The following PHB2 variants were observed in gnomAD, a reference collection of about 807,000 sequenced individuals.
The protein encoded by PHB2 is prohibitin 2.
A neutral mutation model predicts 46.4 loss-of-function variants in PHB2; 22 were observed. That is an observed-to-expected ratio of 0.47 (90% confidence interval 0.34 to 0.68). The LOEUF (loss-of-function observed/expected upper bound fraction) is 0.68. Among genes scored for constraint, PHB2 ranks in the 30% least tolerant of loss-of-function variants. The pLI, the probability that PHB2 is intolerant of heterozygous loss-of-function variation, is 0.01. For synonymous variants in PHB2, 156 were observed against 150.5 expected (o/e 1.04, Z -0.27); for missense variants, 305 against 382.8 (o/e 0.80, Z 1.70).
chr12:6,970,472 C>A lies in PHB2; in HGVS notation c.72G>T (p.Lys24Asn). 6.2e-7 allele frequency: 1 copy of A among 1,605,936 alleles called. No individual in the cohort carries two copies. The highest frequency in any genetic ancestry group is 2.2e-5 in the East Asian group (1 of 44,850). The change falls in exon 1 of 10, where the codon AAG becomes AAT. Residue 24 changes from lysine to asparagine, a missense_variant. By Grantham distance (94) the Lys-to-Asn change is moderately conservative. This residue lies in a region of PHB2 where 60 missense variants were observed against 61.0 expected (regional missense o/e 0.98). Coordinates refer to ENST00000535923, the MANE Select transcript of PHB2 (RefSeq NM_001144831.2). Reference protein sequence around the residue: ...AGPRGMGTALKLLLGAGAVAY... With the variant: ...AGPRGMGTALNLLLGAGAVAY... ...CCACGGCGCCGGCCCCCAGCAACAG[C>A]TTCAGGGCCGTGCCCATGCCCCGGG...
chr12:6,967,302 T>C lies in PHB2; in HGVS notation c.712-54A>G. 1.9e-6 allele frequency: 3 copies of C among 1,611,860 alleles called. No homozygotes were observed. Among genetic ancestry groups the C allele is most frequent in the Non-Finnish European group, 2.5e-6 (3 of 1,178,280 alleles). On this transcript the variant is annotated intron_variant, in intron 6 of 9. Transcript: ENST00000535923. The surrounding 1 kb of genome is among the most constrained non-coding windows in gnomAD (Gnocchi z 4.9). Reference sequence around the variant, plus strand: ...CAGGTCTCAATCCCTGGCCCTGTCCTTACCACACTCCCTTGCTCCAGTCCT... The same window carrying C: ...CAGGTCTCAATCCCTGGCCCTGTCCCTACCACACTCCCTTGCTCCAGTCCT...
intron 7 of PHB2, among the ~76,000 whole-genome samples, chr12:6,966,835 C>T (rs782290384): frequency 1.2e-4 from 19 of 152,354 alleles, no homozygotes; most frequent in Non-Finnish European, 1.6e-4. Context: ...ACTTCCGCCT[C>T]CTGGGTTCAA....
rs1946198574 is a variant in PHB2 at position 6,965,616 on chromosome 12, T to C, written c.*69A>G. The C allele has an allele frequency of 7.4e-6, 10 of 1,348,348 alleles. No individual in the cohort carries two copies. The highest frequency in any genetic ancestry group is 1.1e-5 in the Non-Finnish European group (10 of 948,306). 83.5% of individuals were successfully genotyped at this position (1,348,348 alleles called of 1,614,324 possible). On this transcript the variant is annotated 3_prime_UTR_variant, in exon 10 of 10. Transcript: ENST00000535923. ...GCGGGGTAGGGCTGTGCTGGACCCCTGGCTGGCTCCTCAAAAACTGGAGAA... is the reference window on the plus strand; with the variant it reads ...GCGGGGTAGGGCTGTGCTGGACCCCCGGCTGGCTCCTCAAAAACTGGAGAA...
At chr12:6,970,367 GT>G (rs1946301287) in intron 1 of PHB2, 49 bp downstream of exon 1, 1 of 1,604,670 alleles carries the variant, frequency 6.2e-7, no homozygotes, top group Non-Finnish European at 8.5e-7. Context: ...AGGGCAAGGG[GT>G]TTGGGGGAGG....
chr12:6,967,026 T>C lies in PHB2; in HGVS notation c.789+145A>G, dbSNP rs1290047699. On this transcript the variant is annotated intron_variant, in intron 7 of 9. Transcript: ENST00000535923. This position sits in a 1 kb window ranked among gnomAD's most constrained non-coding sequence, Gnocchi z 4.9. Reference sequence around the variant, plus strand: ...GGCCTCCCAAAGTGCGGGGATTACATGCGTGAGCCACCGCGCCGGCCAGAG... The same window carrying C: ...GGCCTCCCAAAGTGCGGGGATTACACGCGTGAGCCACCGCGCCGGCCAGAG... 1 of 681,102 alleles carries C rather than the reference T, an allele frequency of 1.5e-6. No individual in the cohort carries two copies. The highest frequency in any genetic ancestry group is 1.8e-5 in the African/African-American group (1 of 56,238). The allele number at this position is 681,102 out of a possible 1,614,324, so 42.2% of individuals were successfully genotyped here.
intron 8 of PHB2, among the ~76,000 whole-genome samples, chr12:6,966,188 T>C (rs1946208955): frequency 6.6e-6 from 1 of 152,218 alleles, no homozygotes; most frequent in Non-Finnish European, 1.5e-5. Flanking sequence ...CTTTCATCAC[T>C]TTTTGGTTAG....
intron 9 of PHB2, 31 bp from the exon 10 acceptor site, chr12:6,965,743 T>G (rs1946201152): frequency 3.1e-6 from 5 of 1,599,332 alleles, no homozygotes; most frequent in African/African-American, 1.3e-5. Context: ...ATAATGACAT[T>G]ATTAGGGGAC....
intron 2 of PHB2, chr12:6,969,872 C>G (rs1293459659): frequency 1.8e-6 from 1 of 557,614 alleles, no homozygotes; most frequent in Non-Finnish European, 3.3e-6. Flanking sequence ...GCACTCCAGC[C>G]TGGGCGACAG....
chr12:6,966,050 G>T (rs75406264), intron 8 of PHB2, 134 bp from the exon 9 acceptor site: 44,881 of 931,086 alleles, frequency 0.048, 1,412 homozygotes, highest in Non-Finnish European at 0.062. Context: ...TTGACAGCCA[G>T]GAATCTCAGG....
At chr12:6,968,129 C>T in intron 4 of PHB2, 108 bp from the exon 5 acceptor site, 1 of 1,010,978 alleles carries the variant, frequency 9.9e-7, no homozygotes, top group South Asian at 1.7e-5. Context: ...ACATGCACTG[C>T]CTTAGCTTCC....
At chr12:6,970,103 AGC>A in intron 2 of PHB2, 91 bp downstream of exon 2, 4 of 937,510 alleles carry the variant, frequency 4.3e-6, no homozygotes, top group Admixed American at 1.7e-5. Context: ...GGAAAAGAGC[AGC>A]GTTGAATCCT....
chr12:6,968,664 T>C, intron 3 of PHB2, 69 bp from the exon 4 acceptor site: 2 of 1,248,518 alleles, frequency 1.6e-6, no homozygotes, highest in Non-Finnish European at 2.3e-6. Context: ...TCCTTCATGT[T>C]CCTCCCTGTA....
At position 6,970,523 on chromosome 12, in the gene PHB2, G is replaced by A. The variant is rs782649269; in HGVS notation, c.21C>T (p.Asp7=). The A allele has an allele frequency of 6.2e-7, 1 of 1,604,368 alleles. No homozygotes were observed. The highest frequency in any genetic ancestry group is 8.5e-7 in the Non-Finnish European group (1 of 1,178,140). Residue 7 remains aspartate, a synonymous_variant, in exon 1 of 10, where the codon GAC becomes GAT. Transcript: ENST00000535923. ...GCCCGGCGGGCAGCCGTCCCGCCAA[G>A]TCCTTCAAGTTCTGGGCCATGTCTG... MAQNLK[D]LAGRLPAGPR...
intron 7 of PHB2, 120 bp from the exon 8 acceptor site, chr12:6,966,620 AG>A (rs1946215274): frequency 1.4e-6 from 1 of 726,718 alleles, no homozygotes. Context: ...TGCAGCAATG[AG>A]TAACACATGG....
At position 6,967,476 on chromosome 12, in the gene PHB2, G is replaced by A. The variant is rs1555151018; in HGVS notation, c.711+200C>T. 2.0e-6 allele frequency: 2 copies of A among 1,000,750 alleles called. No homozygotes were observed. Among genetic ancestry groups the A allele is most frequent in the South Asian group, 2.6e-5 (2 of 78,276 alleles). 62.0% of individuals were successfully genotyped at this position (1,000,750 alleles called of 1,614,324 possible). ...CAAGGCCACCAATGCTATTGATCTGGCCTTACAGTGGGGAGTCATGGCTCA... is the reference window on the plus strand; with the variant it reads ...CAAGGCCACCAATGCTATTGATCTGACCTTACAGTGGGGAGTCATGGCTCA... On this transcript the variant is annotated intron_variant, in intron 6 of 9. Transcript: ENST00000535923. The surrounding 1 kb of genome is among the most constrained non-coding windows in gnomAD (Gnocchi z 4.9).
intron 9 of PHB2, 79 bp downstream of exon 9, chr12:6,965,832 G>T: frequency 6.3e-7 from 1 of 1,578,260 alleles, no homozygotes; most frequent in Non-Finnish European, 8.6e-7. Flanking sequence ...TCTTCGGGGA[G>T]GTGGGAAAGG....
rs1311322177 is a variant in PHB2, at chr12:6,968,565, A to G, written c.323T>C (p.Val108Ala). Reference sequence around the variant, plus strand: ...CTCCTGAGCATTGGGTCGAGACAACACTCGCAGGGAGATATTCACCATCTG... The same window carrying G: ...CTCCTGAGCATTGGGTCGAGACAACGCTCGCAGGGAGATATTCACCATCTG... The part of the protein sequence containing the change: ...DLQMVNISLR[V>A]LSRPNAQELP... Residue 108 changes from valine to alanine, a missense_variant, in exon 4 of 10, where the codon GTG (valine) becomes GCG (alanine). Val to Ala is a moderately conservative substitution (Grantham distance 64). Transcript: ENST00000535923. The G allele has an allele frequency of 1.2e-6, 2 of 1,613,612 alleles. No homozygotes were observed. The highest frequency in any genetic ancestry group is 1.7e-6 in the Non-Finnish European group (2 of 1,179,798).
chr12:6,965,620 T>C lies in PHB2; in HGVS notation c.*65A>G. 3.6e-6 allele frequency: 5 copies of C among 1,384,684 alleles called. No homozygotes were observed. The highest frequency in any genetic ancestry group is 5.1e-6 in the Non-Finnish European group (5 of 979,854). 85.8% of individuals were successfully genotyped at this position (1,384,684 alleles called of 1,614,324 possible). ...GGTAGGGCTGTGCTGGACCCCTGGC[T>C]GGCTCCTCAAAAACTGGAGAAGCAG... On this transcript the variant is annotated 3_prime_UTR_variant, in exon 10 of 10. Coordinates refer to ENST00000535923, the MANE Select transcript of PHB2 (RefSeq NM_001144831.2).
chr12:6,967,759 C>A lies in PHB2; in HGVS notation c.628G>T (p.Ala210Ser). ...TTTGCTTTTTCTACCAAGAATTGGG[C>A]CCGCTGGGCCTCCTGCTGGGCTGTG... The part of the protein sequence containing the change: ...KQVAQQEAQR[A>S]QFLVEKAKQE... Residue 210 changes from alanine (A) to serine (S), a missense_variant, in exon 6 of 10, where the codon GCC (alanine) becomes TCC (serine). Physicochemically the swap from Ala to Ser is moderately conservative, Grantham distance 99. Transcript: ENST00000535923. The surrounding 1 kb of genome is among the most constrained non-coding windows in gnomAD (Gnocchi z 4.9). 3 of 1,613,878 alleles carry A rather than the reference C, an allele frequency of 1.9e-6. No homozygotes were observed. The highest frequency in any genetic ancestry group is 2.5e-6 in the Non-Finnish European group (3 of 1,179,844).
Sources: gnomAD v4.1 joint callset for allele counts (sites outside exome capture counted in the v4.1 genomes callset) on GRCh38, gnomAD v4.1.1 for gene constraint, gnomAD v4.1.1 regional missense constraint, Gnocchi (gnomAD v3.1) non-coding constraint, MANE v1.5 for transcripts, NCBI Gene and HGNC (gene_info 2026-07-23, HGNC 2026-07-21) for gene names.